Variants in CHAF1A observed in about 807,000 individuals in gnomAD.
CHAF1A encodes the protein CAF-1 subunit A.
CHAF1A carries 5 observed loss-of-function variants against 93.2 expected under a neutral mutation model. The observed-to-expected ratio is 0.05, with a 90% CI of 0.03 to 0.11. CHAF1A has a LOEUF of 0.11. Ranked by LOEUF, CHAF1A falls within the 10% of genes least tolerant of loss-of-function variation. The pLI is 1.00. For missense variants in CHAF1A, 1,102 were observed against 1,259.9 expected, an observed-to-expected ratio of 0.87 and a Z score of 1.90; for synonymous variants, 504 against 510.3, an observed-to-expected ratio of 0.99 and a Z score of 0.17.
rs765846530 is a variant in CHAF1A, at chr19:4,430,587, C to T, written c.1893C>T (p.Asp631=). The T allele has an allele frequency of 3.3e-5, 53 of 1,612,714 alleles. 1 individual carries two copies. Among genetic ancestry groups the T allele is most frequent in the South Asian group, 2.5e-4 (23 of 91,042 alleles). Residue 631 remains aspartate (D), a synonymous_variant, in exon 11 of 15, where the codon GAC becomes GAT. Coordinates refer to ENST00000301280, the MANE Select transcript of CHAF1A (RefSeq NM_005483.3). ...DDDMGEDEDE[D]DGFFVPHGYL... Reference sequence around the variant, plus strand: ...ACATGGGAGAGGATGAAGATGAGGACGATGGTTTCTTTGTGCCCCATGGGT... The same window carrying T: ...ACATGGGAGAGGATGAAGATGAGGATGATGGTTTCTTTGTGCCCCATGGGT...
At chr19:4,410,969 C>T (rs1221365961) in intron 3 of CHAF1A, among the ~76,000 whole-genome samples, 1 of 152,164 alleles carries the variant, frequency 6.6e-6, no homozygotes, top group Admixed American at 6.5e-5. Flanking sequence ...AAATCAGTCA[C>T]GAGTCCCACG....
rs183403650 is a variant in CHAF1A at position 4,429,728 on chromosome 19, G to A, written c.1794G>A (p.Val598=). The A allele has an allele frequency of 9.9e-6, 16 of 1,614,098 alleles. No homozygotes were observed. The African/African-American group carries it at 1.1e-4, about 11-fold the overall frequency. The part of the protein sequence containing the change: ...AQDTKLLDYE[V]DSDEEWEEEE... ...CTCAGAAGCTCCTGGACTATGAGGT[G>A]GACAGTGATGAGGAGTGGGAAGAAG... The change falls in exon 10 of 15, where the codon GTG becomes GTA. Residue 598 remains valine (V), a synonymous_variant. Coordinates refer to ENST00000301280, the MANE Select transcript of CHAF1A (RefSeq NM_005483.3).
intron 3 of CHAF1A, among the ~76,000 whole-genome samples, 195 bp from the exon 4 acceptor site, chr19:4,417,825 T>G (rs919171070): frequency 5.3e-5 from 8 of 152,172 alleles, no homozygotes; most frequent in African/African-American, 1.9e-4. Flanking sequence ...TTCACTCATT[T>G]CTTTATCTGC....
chr19:4,429,144 T>C, intron 8 of CHAF1A: 1 of 591,850 alleles, frequency 1.7e-6, no homozygotes. Flanking sequence ...CAGTGAAGGA[T>C]ACCCCCCAAC....
Position 4,406,076 on chromosome 19 carries a change from C to T in CHAF1A, c.103+114C>T, listed in dbSNP as rs555462341. 272 of 847,512 alleles carry T rather than the reference C, an allele frequency of 3.2e-4. 1 individual carries two copies. Among genetic ancestry groups the T allele is most frequent in the Middle Eastern group, 1.4e-3 (6 of 4,202 alleles). 52.5% of individuals were successfully genotyped at this position (847,512 alleles called of 1,614,324 possible). A position where few individuals can be genotyped will look rare whatever the true frequency, so the allele number is the denominator to read the frequency against. ...AGAGGGGAGAGAAACAGTCCTTCTT[C>T]AGACCAGGAAGCTGGGAAAATGCTT... On this transcript the variant is annotated intron_variant, in intron 2 of 14. Transcript: ENST00000301280.
downstream of CHAF1A, chr19:4,446,345 C>CCCCGCTGCTCCTCCTTCT (rs1568188353): frequency 1.9e-6 from 3 of 1,570,118 alleles, no homozygotes; most frequent in South Asian, 3.4e-5. Flanking sequence ...CTTGCGCAGC[C>CCCCGCTGCTCCTCCTTCT]CCCGCTGCTC....
intron 7 of CHAF1A, 151 bp downstream of exon 7, chr19:4,424,025 G>A: frequency 1.5e-6 from 1 of 682,948 alleles, no homozygotes; most frequent in East Asian, 2.7e-5. Flanking sequence ...GTTAAGTCTT[G>A]AGGCTCAATA....
chr19:4,443,647 G>A (rs1207855789), downstream of CHAF1A, among the ~76,000 whole-genome samples: 4 of 152,250 alleles, frequency 2.6e-5, no homozygotes, highest in East Asian at 7.7e-4. Context: ...GGTGTTCCCA[G>A]AGACCTGCTA....
intron 14 of CHAF1A, 62 bp downstream of exon 14, chr19:4,442,403 C>G: frequency 3.0e-6 from 4 of 1,351,392 alleles, no homozygotes; most frequent in Non-Finnish European, 4.1e-6. Flanking sequence ...TAAACCTCAA[C>G]AGAGAAGGGA....
At chr19:4,431,908 G>A (rs1974189742) in intron 11 of CHAF1A, 44 bp from the exon 12 acceptor site, 1 of 1,562,348 alleles carries the variant, frequency 6.4e-7, no homozygotes, top group Non-Finnish European at 8.7e-7. Flanking sequence ...CCGGGCATAG[G>A]GGAGCAAGAA....
intron 13 of CHAF1A, among the ~76,000 whole-genome samples, chr19:4,437,657 G>C (rs1974309625): frequency 6.6e-6 from 1 of 152,158 alleles, no homozygotes. Context: ...GGAGGGATAA[G>C]CCATTCATCT....
chr19:4,448,701 C>CTG (rs1974594037), downstream of CHAF1A: 3 of 459,168 alleles, frequency 6.5e-6, no homozygotes, highest in Non-Finnish European at 1.2e-5. Flanking sequence ...CGCGACAGAA[C>CTG]TGTGCCTCAC....
chr19:4,437,150 A>C (rs1307843748), intron 13 of CHAF1A, among the ~76,000 whole-genome samples: 1 of 151,430 alleles, frequency 6.6e-6, no homozygotes, highest in Non-Finnish European at 1.5e-5. Context: ...CGAAGGTCAC[A>C]CGTGAAGGAA....
chr19:4,443,970 G>A (rs1974448059), downstream of CHAF1A, among the ~76,000 whole-genome samples: 1 of 152,178 alleles, frequency 6.6e-6, no homozygotes, highest in Non-Finnish European at 1.5e-5. Flanking sequence ...TGGGAAAAGT[G>A]TCAGCTACCT....
chr19:4,428,583 C>T (rs543503699), intron 7 of CHAF1A, 81 bp from the exon 8 acceptor site: 25 of 1,251,136 alleles, frequency 2.0e-5, no homozygotes, highest in Non-Finnish European at 2.8e-5. Context: ...ATGAATCCCA[C>T]CAGCACCCTG....
At chr19:4,435,956 T>G (rs1974275569) in intron 13 of CHAF1A, among the ~76,000 whole-genome samples, 1 of 152,066 alleles carries the variant, frequency 6.6e-6, no homozygotes, top group Non-Finnish European at 1.5e-5. Context: ...CTGGCCAACA[T>G]GGTGAAACCC....
At chr19:4,419,631 A>G (rs1352466596) in intron 4 of CHAF1A, among the ~76,000 whole-genome samples, 1 of 151,890 alleles carries the variant, frequency 6.6e-6, no homozygotes, top group Non-Finnish European at 1.5e-5. Context: ...GGGTTTCGCT[A>G]TGTTTGTCAG....
chr19:4,447,200 ACCG>A, downstream of CHAF1A: 1 of 577,412 alleles, frequency 1.7e-6, no homozygotes, highest in East Asian at 2.9e-5. Context: ...CGAGGCTAAC[ACCG>A]CCCAGGACCC....
Position 4,409,537 on chromosome 19 carries a change from G to A in CHAF1A, c.738G>A (p.Leu246=). ...CTATGGTGGTCTTGCAGGACATCTT[G>A]GCTGTGAGACCACCGCAAATCAAGT... ...KVPMVVLQDI[L]AVRPPQIKSL... The change falls in exon 3 of 15, where the codon TTG becomes TTA. Residue 246 remains leucine, a synonymous_variant. Transcript: ENST00000301280. The A allele has an allele frequency of 1.2e-6, 2 of 1,614,100 alleles. No homozygotes were observed. Among genetic ancestry groups the A allele is most frequent in the Non-Finnish European group, 1.7e-6 (2 of 1,180,014 alleles).
Sources: allele counts gnomAD v4.1 joint callset (sites outside exome capture counted in the v4.1 genomes callset), GRCh38; gene constraint gnomAD v4.1.1; transcripts MANE v1.5; gene names NCBI Gene and HGNC (gene_info 2026-07-23, HGNC 2026-07-21).